Variants in SLC25A33 observed in about 807,000 individuals in gnomAD.
SLC25A33 encodes bone marrow stromal cell mitochondrial carrier protein.
SLC25A33 carries 15 observed loss-of-function variants against 35.5 expected under a neutral mutation model. The ratio of observed to expected loss-of-function variants is 0.42; its 90% confidence interval spans 0.28 to 0.65. SLC25A33 has a LOEUF of 0.65. Among genes scored for constraint, SLC25A33 ranks in the 30% least tolerant of loss-of-function variants. The pLI, the probability that SLC25A33 is intolerant of heterozygous loss-of-function variation, is 0.20. For missense variants in SLC25A33, 257 were observed against 398.5 expected (o/e 0.64, Z 3.02); for synonymous variants, 136 against 148.7 (o/e 0.91, Z 0.62).
intron 1 of SLC25A33, among the ~76,000 whole-genome samples, chr1:9,540,813 T>C (rs1386425087): frequency 1.3e-5 from 2 of 152,218 alleles, no homozygotes; most frequent in East Asian, 3.8e-4. Flanking sequence ...TCTTGGAAGA[T>C]GACTGATGAA....
At chr1:9,555,975 G>A (rs1237235731) in intron 2 of SLC25A33, among the ~76,000 whole-genome samples, 1 of 152,210 alleles carries the variant, frequency 6.6e-6, no homozygotes, top group Non-Finnish European at 1.5e-5. Context: ...ATGAGCCACT[G>A]TGTCTGGGTG....
intron 1 of SLC25A33, among the ~76,000 whole-genome samples, chr1:9,552,399 A>T (rs1172887791): frequency 4.9e-5 from 7 of 143,508 alleles, no homozygotes; most frequent in African/African-American, 1.0e-4. Flanking sequence ...TAATTTTTGT[A>T]TTTTTTTTTT....
rs759886615 is a variant in SLC25A33, at chr1:9,567,441, T to C, written c.314+80T>C. ...CTTTCTTACCAAAGGGTGATGCTGC[T>C]GAATGACCAGTGTCTTTTTCTATGT... is the stretch of plus-strand genomic sequence containing the variant. On this transcript the variant is annotated intron_variant, in intron 3 of 6. Transcript: ENST00000302692. The C allele has an allele frequency of 2.2e-4, 280 of 1,270,480 alleles. 1 individual carries two copies. The highest frequency in any genetic ancestry group is 3.0e-4 in the Non-Finnish European group (270 of 893,278). 78.7% of individuals were successfully genotyped at this position (1,270,480 alleles called of 1,614,324 possible). A position where few individuals can be genotyped will look rare whatever the true frequency, so the allele number is the denominator to read the frequency against.
intron 2 of SLC25A33, among the ~76,000 whole-genome samples, chr1:9,558,151 C>T (rs1354121160): frequency 6.6e-6 from 1 of 152,180 alleles, no homozygotes; most frequent in Non-Finnish European, 1.5e-5. Flanking sequence ...CAATGTATAT[C>T]CACCTTGCTT....
intron 2 of SLC25A33, among the ~76,000 whole-genome samples, chr1:9,559,833 T>C (rs1425240611): frequency 6.6e-6 from 1 of 152,190 alleles, no homozygotes. Flanking sequence ...GCGGTGACGA[T>C]GGTTTACAGA....
At chr1:9,542,494 ACTTT>A (rs911978944) in intron 1 of SLC25A33, among the ~76,000 whole-genome samples, 1 of 152,150 alleles carries the variant, frequency 6.6e-6, no homozygotes, top group African/African-American at 2.4e-5. Context: ...AAAATATTTT[ACTTT>A]CTGTTAGGGA....
chr1:9,550,580 G>A (rs1010600795), intron 1 of SLC25A33, among the ~76,000 whole-genome samples: 1 of 152,016 alleles, frequency 6.6e-6, no homozygotes, highest in Non-Finnish European at 1.5e-5. Context: ...TACTTTTTAG[G>A]CATGTGGTTA....
intron 1 of SLC25A33, among the ~76,000 whole-genome samples, chr1:9,542,906 G>A (rs1019606465): frequency 2.0e-5 from 3 of 152,082 alleles, no homozygotes; most frequent in Non-Finnish European, 4.4e-5. Context: ...TCCGCCTCCC[G>A]GGTTGAAGCA....
chr1:9,554,112 G>T (rs1643307390), intron 2 of SLC25A33, among the ~76,000 whole-genome samples: 1 of 152,188 alleles, frequency 6.6e-6, no homozygotes, highest in Non-Finnish European at 1.5e-5. Context: ...GGGAAATGAA[G>T]ATAAGAGGTG....
At chr1:9,550,837 A>G (rs980517232) in intron 1 of SLC25A33, among the ~76,000 whole-genome samples, 2 of 151,330 alleles carry the variant, frequency 1.3e-5, no homozygotes, top group Non-Finnish European at 2.9e-5. Context: ...ACACCCAGCT[A>G]ATTTTTTAAT....
rs566736527 is a variant in SLC25A33, at chr1:9,573,407, A to G, written c.477A>G (p.Glu159=). The G allele has an allele frequency of 7.9e-4, 1,266 of 1,610,520 alleles. 23 individuals are homozygous for G. In the South Asian group the frequency reaches 0.013, roughly 17 times the overall value. The change falls in exon 5 of 7, where the codon GAA becomes GAG. Residue 159 remains glutamate (E), a synonymous_variant. Transcript: ENST00000302692. The part of the protein sequence containing the change: ...IWMVKTRMQL[E]QKVRGSKQMN... ...TGGTTAAAACCCGAATGCAGCTAGAACAGAAGTAAGTTATTATTTGTTCCT... is the reference window on the plus strand; with the variant it reads ...TGGTTAAAACCCGAATGCAGCTAGAGCAGAAGTAAGTTATTATTTGTTCCT...
In SLC25A33 at chr1:9,549,491, ATGG is replaced by A. The variant is rs1402711777; in HGVS notation, c.57-4131_57-4129del. ...TGGGATCAATGGCGGGGAGGAACTG[ATGG>A]TGGGATCAACGGGGGGGATGAACTG... is the stretch of plus-strand genomic sequence containing the variant. On this transcript the variant is annotated intron_variant, in intron 1 of 6. Coordinates refer to ENST00000302692, the MANE Select transcript of SLC25A33 (RefSeq NM_032315.3). 8.2e-5 allele frequency among the ~76,000 whole-genome samples: 8 copies of A among 98,008 alleles called. 1 individual carries two copies. In the South Asian group the frequency reaches 3.2e-3, roughly 40 times the overall value. The allele number at this position is 98,008 out of a possible 152,430, so 64.3% of individuals were successfully genotyped here. A position where few individuals can be genotyped will look rare whatever the true frequency, so the allele number is the denominator to read the frequency against.
At chr1:9,574,667 GT>G (rs1329588773) in intron 5 of SLC25A33, among the ~76,000 whole-genome samples, 1 of 152,140 alleles carries the variant, frequency 6.6e-6, no homozygotes, top group Non-Finnish European at 1.5e-5. Flanking sequence ...TGTAAAGAGT[GT>G]TTTAGACTTA....
rs534298142 is a variant in SLC25A33 at position 9,566,976 on chromosome 1, C to T, written c.237-308C>T. ...CCAGGAGGCAGAGGTTCCAGTGAGC[C>T]GAGATCATGTTACTGCACTCCAGCC... On this transcript the variant is annotated intron_variant, in intron 2 of 6. Coordinates refer to ENST00000302692, the MANE Select transcript of SLC25A33 (RefSeq NM_032315.3). Among the ~76,000 whole-genome samples the T allele has an allele frequency of 2.4e-4, 36 of 151,632 alleles. 1 individual carries two copies. The South Asian group carries it at 7.1e-3, about 30-fold the overall frequency.
At chr1:9,539,768 G>A (rs1278945103) in intron 1 of SLC25A33, 21 bp downstream of exon 1, 1 of 1,358,600 alleles carries the variant, frequency 7.4e-7, no homozygotes, top group Non-Finnish European at 9.5e-7. Flanking sequence ...GGGCCCAGCC[G>A]CGCGCGCCCC....
chr1:9,568,858 A>G (rs1392234083), intron 3 of SLC25A33, among the ~76,000 whole-genome samples: 1 of 151,582 alleles, frequency 6.6e-6, no homozygotes, highest in Non-Finnish European at 1.5e-5. Flanking sequence ...AAAAAAAAAG[A>G]GAAAATGAAG....
chr1:9,571,263 G>A (rs917755397), intron 4 of SLC25A33, among the ~76,000 whole-genome samples: 8 of 152,150 alleles, frequency 5.3e-5, no homozygotes, highest in East Asian at 1.9e-4. Context: ...TGCAAAACAT[G>A]AACGTGTAGA....
At chr1:9,542,066 G>A (rs1188318797) in intron 1 of SLC25A33, among the ~76,000 whole-genome samples, 2 of 152,190 alleles carry the variant, frequency 1.3e-5, no homozygotes, top group Non-Finnish European at 2.9e-5. Flanking sequence ...AAAGTGCTGG[G>A]ATTGCAGGCA....
intron 2 of SLC25A33, among the ~76,000 whole-genome samples, chr1:9,558,303 G>A (rs953137598): frequency 1.3e-4 from 20 of 152,210 alleles, no homozygotes; most frequent in African/African-American, 4.8e-4. Context: ...CTGCCTCCGT[G>A]GCTATTGCTT....
Sources: gnomAD v4.1 joint callset for allele counts (sites outside exome capture counted in the v4.1 genomes callset) on GRCh38, gnomAD v4.1.1 for gene constraint, MANE v1.5 for transcripts, NCBI Gene and HGNC (gene_info 2026-07-23, HGNC 2026-07-21) for gene names.